The following EEIG2 variants were observed in gnomAD, a reference collection of about 807,000 sequenced individuals.
EEIG2 encodes family with sequence similarity 102 member B.
the EEIG2 span, among the ~76,000 whole-genome samples, chr1:108,569,754 A>G: frequency 6.6e-6 from 1 of 152,170 alleles, no homozygotes; most frequent in Admixed American, 6.5e-5. Context: ...TCAGCCAATT[A>G]TGTGTGCATT....
the EEIG2 span, among the ~76,000 whole-genome samples, chr1:108,616,144 A>C: frequency 7.3e-6 from 1 of 137,032 alleles, no homozygotes; most frequent in Admixed American, 7.5e-5. Flanking sequence ...TTTTTTTTTT[A>C]ATAGAGACAG....
the EEIG2 span, chr1:108,616,325 G>A: frequency 1.8e-6 from 2 of 1,125,476 alleles, no homozygotes; most frequent in South Asian, 2.6e-5. Flanking sequence ...ACTAAGTGCT[G>A]TGAAGGAAGC....
the EEIG2 span, among the ~76,000 whole-genome samples, chr1:108,620,449 C>A: frequency 6.6e-6 from 1 of 152,078 alleles, no homozygotes; most frequent in Non-Finnish European, 1.5e-5. Flanking sequence ...CACCCACCAA[C>A]TCTTGTAAAA....
the EEIG2 span, among the ~76,000 whole-genome samples, chr1:108,609,382 A>T: frequency 2.0e-5 from 3 of 152,176 alleles, no homozygotes; most frequent in South Asian, 6.2e-4. Context: ...ACATGATGTG[A>T]TAGTAACTAC....
chr1:108,564,237 G>A, the EEIG2 span, among the ~76,000 whole-genome samples: 5 of 151,720 alleles, frequency 3.3e-5, no homozygotes, highest in Non-Finnish European at 7.4e-5. Flanking sequence ...ACAGGCTGAT[G>A]CTATCTGTAT....
chr1:108,594,291 A>G, the EEIG2 span, among the ~76,000 whole-genome samples: 410 of 152,348 alleles, frequency 2.7e-3, 3 homozygotes, highest in African/African-American at 9.2e-3. Context: ...GTAAGAATGT[A>G]TAAGAAGGGT....
chr1:108,617,157 G>A, the EEIG2 span, among the ~76,000 whole-genome samples: 1 of 152,180 alleles, frequency 6.6e-6, no homozygotes, highest in African/African-American at 2.4e-5. Flanking sequence ...GAAGAGGCGG[G>A]TGATAGGAGA....
At chr1:108,568,766 A>T in the EEIG2 span, among the ~76,000 whole-genome samples, 1 of 152,128 alleles carries the variant, frequency 6.6e-6, no homozygotes, top group Non-Finnish European at 1.5e-5. Flanking sequence ...TCTCATCCAC[A>T]GGGACTGACT....
chr1:108,625,413 G>A, the EEIG2 span: 1 of 152,184 alleles, frequency 6.6e-6, no homozygotes, highest in Admixed American at 6.5e-5. Context: ...TCAGTATTAT[G>A]TGAACAGGAT....
the EEIG2 span, among the ~76,000 whole-genome samples, chr1:108,610,729 G>A: frequency 6.6e-6 from 1 of 152,118 alleles, no homozygotes; most frequent in Non-Finnish European, 1.5e-5. Flanking sequence ...AGGAGATCGA[G>A]ACCATCCTGG....
chr1:108,572,250 T>A, the EEIG2 span, among the ~76,000 whole-genome samples: 2 of 152,164 alleles, frequency 1.3e-5, no homozygotes, highest in African/African-American at 4.8e-5. Flanking sequence ...TTGAAGGCAC[T>A]TCTTCTGCCT....
At chr1:108,619,556 A>AT in the EEIG2 span, among the ~76,000 whole-genome samples, 3 of 152,154 alleles carry the variant, frequency 2.0e-5, no homozygotes, top group East Asian at 1.9e-4. Flanking sequence ...TAATCCAGTG[A>AT]TTTTTTTAGA....
At chr1:108,631,046 G>T in the EEIG2 span, 3 of 265,966 alleles carry the variant, frequency 1.1e-5, no homozygotes, top group African/African-American at 6.8e-5. Flanking sequence ...GTAGGTAAGA[G>T]AGAGACATAT....
the EEIG2 span, among the ~76,000 whole-genome samples, chr1:108,632,093 G>A: frequency 4.2e-5 from 5 of 119,858 alleles, no homozygotes; most frequent in Admixed American, 1.1e-4. Context: ...CAGCCTGGGC[G>A]ACAGAATGAG....
At chr1:108,569,172 A>G in the EEIG2 span, among the ~76,000 whole-genome samples, 1 of 152,256 alleles carries the variant, frequency 6.6e-6, no homozygotes, top group Non-Finnish European at 1.5e-5. Context: ...GCATGTTTCT[A>G]TTCAGTATAA....
At chr1:108,596,254 C>T in the EEIG2 span, among the ~76,000 whole-genome samples, 3 of 151,368 alleles carry the variant, frequency 2.0e-5, no homozygotes, top group African/African-American at 7.3e-5. Context: ...TTATTCAGTA[C>T]TTGACAATGT....
At chr1:108,630,101 C>T in the EEIG2 span, among the ~76,000 whole-genome samples, 254 of 152,306 alleles carry the variant, frequency 1.7e-3, 3 homozygotes, top group African/African-American at 5.9e-3. Context: ...GCCTTAGCCT[C>T]TTGAGCAGCT....
At chr1:108,586,520 C>T in the EEIG2 span, among the ~76,000 whole-genome samples, 2 of 152,018 alleles carry the variant, frequency 1.3e-5, no homozygotes, top group South Asian at 4.1e-4. Flanking sequence ...TAAACTTGAG[C>T]TCAGATCTGC....
At chr1:108,630,450 A>G in the EEIG2 span, among the ~76,000 whole-genome samples, 1 of 150,938 alleles carries the variant, frequency 6.6e-6, no homozygotes, top group African/African-American at 2.4e-5. Flanking sequence ...GGGAGGGAAT[A>G]GCATTAGGAG....
Sources: allele counts gnomAD v4.1 joint callset (sites outside exome capture counted in the v4.1 genomes callset), GRCh38; gene constraint gnomAD v4.1.1; transcripts MANE v1.5; gene names NCBI Gene and HGNC (gene_info 2026-07-23, HGNC 2026-07-21).